PRKCZ: variants seen among roughly 807,000 people sequenced by gnomAD.
PRKCZ encodes protein kinase C zeta.
PRKCZ carries 33 observed loss-of-function variants against 79.5 expected under a neutral mutation model. The observed-to-expected ratio is 0.41, with a 90% CI of 0.31 to 0.55. The LOEUF (loss-of-function observed/expected upper bound fraction) is 0.55, where lower values mean the gene tolerates loss of function less well. Ranked by LOEUF, PRKCZ falls within the 20% of genes least tolerant of loss-of-function variation. The pLI is 0.19. For synonymous variants in PRKCZ, 342 were observed against 320.9 expected (o/e 1.07, Z -0.70); for missense variants, 578 against 813.5 (o/e 0.71, Z 3.52).
rs117887496 is a variant in PRKCZ, at chr1:2,059,276, C to T, written c.284-265C>T. Among the ~76,000 whole-genome samples the T allele has an allele frequency of 1.0e-3, 158 of 152,358 alleles. 1 individual carries two copies. In the East Asian group the frequency reaches 0.016, roughly 15 times the overall value. On this transcript the variant is annotated intron_variant, in intron 3 of 17. Coordinates refer to ENST00000378567, the MANE Select transcript of PRKCZ (RefSeq NM_002744.6). ...TTTTATATAGTTTAAAAATACAAAT[C>T]AGTAGCTTCCTCTGATGGCTTTGCT...
rs1035896115 is a variant in PRKCZ at position 2,165,559 on chromosome 1, C to T, written c.975-3959C>T. 6.6e-6 allele frequency among the ~76,000 whole-genome samples: 1 copy of T among 152,248 alleles called. No individual in the cohort carries two copies. Among genetic ancestry groups the T allele is most frequent in the Non-Finnish European group, 1.5e-5 (1 of 68,048 alleles). On this transcript the variant is annotated intron_variant, in intron 10 of 17. Coordinates refer to ENST00000378567, the MANE Select transcript of PRKCZ (RefSeq NM_002744.6). The surrounding 1 kb of genome is among the most constrained non-coding windows in gnomAD (Gnocchi z 4.1). ...CACACCAGCGGTCAGCAAAGGTTGT[C>T]TTAAAGGGTCAGGCAGTAAATATTT...
chr1:2,102,326 G>GT (rs1667580246), intron 4 of PRKCZ, among the ~76,000 whole-genome samples: 1 of 138,538 alleles, frequency 7.2e-6, no homozygotes, highest in African/African-American at 2.6e-5. Context: ...TTTTTTTTTT[G>GT]TTTGTTTTGT....
intron 10 of PRKCZ, chr1:2,156,394 C>T (rs1467269701): frequency 1.0e-5 from 3 of 297,910 alleles, no homozygotes; most frequent in African/African-American, 6.4e-5. Context: ...GATTTCTGTG[C>T]TTATTAAAAT....
rs12087911 is a variant in PRKCZ, at chr1:2,101,449, C to T, written c.335-33813C>T. 8.9e-3 allele frequency among the ~76,000 whole-genome samples: 1,357 copies of T among 152,312 alleles called. 21 individuals are homozygous for T. Among genetic ancestry groups the T allele is most frequent in the African/African-American group, 0.031 (1,279 of 41,562 alleles). On this transcript the variant is annotated intron_variant, in intron 4 of 17. Transcript: ENST00000378567. Reference sequence around the variant, plus strand: ...TGTCCTCAGACTCCAGGGACAACCCCTGGTGCGAGACATCCTGTTGCTGAT... The same window carrying T: ...TGTCCTCAGACTCCAGGGACAACCCTTGGTGCGAGACATCCTGTTGCTGAT...
At chr1:2,091,965 C>T (rs1032706619) in intron 4 of PRKCZ, among the ~76,000 whole-genome samples, 5 of 152,220 alleles carry the variant, frequency 3.3e-5, no homozygotes, top group Non-Finnish European at 2.9e-5. Flanking sequence ...AAGGAGAAGA[C>T]TCATGTAGAA....
chr1:2,059,376 C>T (rs1878744), intron 3 of PRKCZ, among the ~76,000 whole-genome samples, 165 bp from the exon 4 acceptor site: 18,122 of 152,256 alleles, frequency 0.12, 3,559 homozygotes, highest in African/African-American at 0.41. Context: ...CCTACGTAGA[C>T]GCACGGGGTT....
At chr1:2,068,269 C>T (rs1571144775) in intron 4 of PRKCZ, among the ~76,000 whole-genome samples, 1 of 140,500 alleles carries the variant, frequency 7.1e-6, no homozygotes, top group Admixed American at 7.2e-5. Context: ...CTCTCAGAGA[C>T]CCCCCGCCTT....
chr1:2,106,880 C>A (rs938084608), intron 4 of PRKCZ, among the ~76,000 whole-genome samples: 1 of 90,218 alleles, frequency 1.1e-5, no homozygotes, highest in African/African-American at 3.3e-5. Context: ...CCCCTCCACA[C>A]GTGTCACCAG....
intron 4 of PRKCZ, among the ~76,000 whole-genome samples, chr1:2,087,540 C>T (rs925641318): frequency 1.3e-5 from 2 of 152,330 alleles, no homozygotes; most frequent in East Asian, 3.9e-4. Flanking sequence ...TGTGTCTCTC[C>T]TACAACCTTC....
Position 2,168,459 on chromosome 1 carries a change from G to A in PRKCZ, c.975-1059G>A, listed in dbSNP as rs954786843. ...AGGGTGCCCGACTGGCCACGTGGAC[G>A]TCTCTCCAGCTCCTCACTTGGGGCC... On this transcript the variant is annotated intron_variant, in intron 10 of 17. Coordinates refer to ENST00000378567, the MANE Select transcript of PRKCZ (RefSeq NM_002744.6). This position sits in a 1 kb window ranked among gnomAD's most constrained non-coding sequence, Gnocchi z 4.7. Among the ~76,000 whole-genome samples, 4 of 152,190 alleles carry A rather than the reference G, an allele frequency of 2.6e-5. No individual in the cohort carries two copies. The highest frequency in any genetic ancestry group is 7.2e-5 in the African/African-American group (3 of 41,446).
chr1:2,156,151 A>G (rs1463297826), intron 10 of PRKCZ, 59 bp downstream of exon 10: 14 of 1,492,168 alleles, frequency 9.4e-6, no homozygotes, highest in Admixed American at 8.4e-5. Context: ...ACTGCACAGA[A>G]GCTAAGTCTG....
rs1055726710 is a variant in PRKCZ at position 2,174,539 on chromosome 1, C to A, written c.1406-215C>A. On this transcript the variant is annotated intron_variant, in intron 14 of 17. Coordinates refer to ENST00000378567, the MANE Select transcript of PRKCZ (RefSeq NM_002744.6). This position sits in a 1 kb window ranked among gnomAD's most constrained non-coding sequence, Gnocchi z 6.2. ...AGGAAGGGGAGCTGCTGGTTCACGT[C>A]CGATCCTACGACACGTGCCAGCGCA... Among the ~76,000 whole-genome samples the A allele has an allele frequency of 1.3e-5, 2 of 152,234 alleles. No homozygotes were observed. Among genetic ancestry groups the A allele is most frequent in the Non-Finnish European group, 2.9e-5 (2 of 68,040 alleles).
At chr1:2,074,679 A>G in intron 4 of PRKCZ, 1 of 310,156 alleles carries the variant, frequency 3.2e-6, no homozygotes. Flanking sequence ...AGCCAGGGTT[A>G]ATGTGCACGG....
chr1:2,169,433 C>A, intron 10 of PRKCZ, 85 bp from the exon 11 acceptor site: 2 of 1,243,126 alleles, frequency 1.6e-6, no homozygotes, highest in Non-Finnish European at 2.3e-6. Flanking sequence ...TTCGGGCCCA[C>A]GAAGGCCGCT....
intron 4 of PRKCZ, among the ~76,000 whole-genome samples, chr1:2,091,139 C>T (rs1375042182): frequency 1.3e-5 from 2 of 152,224 alleles, no homozygotes; most frequent in African/African-American, 4.8e-5. Context: ...TCAAGCAGTG[C>T]TCCTGCCTCA....
At chr1:2,114,940 C>A (rs1395420914) in intron 4 of PRKCZ, among the ~76,000 whole-genome samples, 1 of 152,238 alleles carries the variant, frequency 6.6e-6, no homozygotes, top group African/African-American at 2.4e-5. Context: ...CTCCCTAAAA[C>A]ATGAAATCTG....
At chr1:2,095,080 G>C (rs1334180902) in intron 4 of PRKCZ, among the ~76,000 whole-genome samples, 1 of 152,160 alleles carries the variant, frequency 6.6e-6, no homozygotes, top group East Asian at 1.9e-4. Flanking sequence ...GTGGTGGTTT[G>C]GGCAGCTGGG....
chr1:2,084,522 A>G (rs1305053440), intron 4 of PRKCZ, among the ~76,000 whole-genome samples: 1 of 152,140 alleles, frequency 6.6e-6, no homozygotes. Context: ...CGGCTCACAG[A>G]TGGGCGTACC....
upstream of PRKCZ, chr1:2,049,365 C>G (rs1001027851): frequency 6.6e-6 from 1 of 152,214 alleles, no homozygotes; most frequent in Non-Finnish European, 1.5e-5. Flanking sequence ...AAAACGACAG[C>G]TTCTGCGTAG....
Sources: gnomAD v4.1 joint callset for allele counts (sites outside exome capture counted in the v4.1 genomes callset) on GRCh38, gnomAD v4.1.1 for gene constraint, Gnocchi (gnomAD v3.1) non-coding constraint, MANE v1.5 for transcripts, NCBI Gene and HGNC (gene_info 2026-07-23, HGNC 2026-07-21) for gene names.